RAB40C: variants seen among roughly 807,000 people sequenced by gnomAD.
RAB40C encodes ras-related protein Rab-40C.
Under a neutral mutation model 28.1 loss-of-function variants are expected in RAB40C, and 8 were observed. The ratio of observed to expected loss-of-function variants is 0.28; its 90% confidence interval spans 0.17 to 0.51. The LOEUF is 0.51. Among genes scored for constraint, RAB40C ranks in the 20% least tolerant of loss-of-function variants. The probability of loss-of-function intolerance (pLI) is 0.97; values close to 1 mark genes in which losing one functional copy is unlikely to be tolerated. For synonymous variants in RAB40C, 201 were observed against 171.7 expected, an observed-to-expected ratio of 1.17 and a Z score of -1.34; for missense variants, 288 against 405.9, an observed-to-expected ratio of 0.71 and a Z score of 2.50.
In RAB40C at chr16:590,190, G is replaced by A. The variant is rs2035959049; in HGVS notation, c.-102G>A. 2 of 890,506 alleles carry A rather than the reference G, an allele frequency of 2.2e-6. No homozygotes were observed. Among genetic ancestry groups the A allele is most frequent in the Non-Finnish European group, 2.8e-6 (2 of 725,456 alleles). 55.2% of individuals were successfully genotyped at this position (890,506 alleles called of 1,614,324 possible). ...CGCGCCCACTCGGCCGCCGTGGGGCGGACGCAACGGGCGCAGGTGCGGGGC... is the reference window on the plus strand; with the variant it reads ...CGCGCCCACTCGGCCGCCGTGGGGCAGACGCAACGGGCGCAGGTGCGGGGC... On this transcript the variant is annotated 5_prime_UTR_variant, in exon 1 of 6. Transcript: ENST00000248139.
At chr16:602,684 C>T (rs1298180833) in intron 1 of RAB40C, among the ~76,000 whole-genome samples, 3 of 152,136 alleles carry the variant, frequency 2.0e-5, no homozygotes, top group Admixed American at 6.6e-5. Context: ...CCACCCACCT[C>T]GGCCTCCCAA....
intron 1 of RAB40C, among the ~76,000 whole-genome samples, chr16:614,155 A>G (rs1446301363): frequency 8.5e-5 from 11 of 128,780 alleles, no homozygotes; most frequent in Admixed American, 4.9e-4. Context: ...ACTGCTAACT[A>G]CCGCATCCCG....
chr16:620,393 A>G (rs576805389), intron 3 of RAB40C, among the ~76,000 whole-genome samples: 5 of 152,050 alleles, frequency 3.3e-5, no homozygotes, highest in Non-Finnish European at 7.4e-5. Flanking sequence ...CTCCATCTCA[A>G]AAAAAAAGGA....
chr16:617,365 A>C, intron 2 of RAB40C, 97 bp downstream of exon 2: 1 of 1,462,008 alleles, frequency 6.8e-7, no homozygotes, highest in African/African-American at 1.4e-5. Context: ...TCCTGTTTGC[A>C]TTTCACTTGG....
At chr16:592,153 T>TA (rs1392284260) in intron 1 of RAB40C, among the ~76,000 whole-genome samples, 2 of 152,220 alleles carry the variant, frequency 1.3e-5, no homozygotes, top group Non-Finnish European at 2.9e-5. Context: ...CTGGCGAACT[T>TA]ACCTCTCCTG....
In RAB40C at chr16:614,204, ACTG is replaced by A. The variant is rs550096610; in HGVS notation, c.143-3001_143-2999del. 5.9e-3 allele frequency among the ~76,000 whole-genome samples: 856 copies of A among 143,876 alleles called. 10 individuals are homozygous for A. The highest frequency in any genetic ancestry group is 0.021 in the African/African-American group (802 of 37,974). 94.4% of individuals were successfully genotyped at this position (143,876 alleles called of 152,430 possible). A position where few individuals can be genotyped will look rare whatever the true frequency, so the allele number is the denominator to read the frequency against. ...GAACTCTACCGCATCCCTATGGTGA[ACTG>A]CTAACTCTGCCGCATCCCGATGGTG... On this transcript the variant is annotated intron_variant, in intron 1 of 5. Coordinates refer to ENST00000248139, the MANE Select transcript of RAB40C (RefSeq NM_021168.5).
At chr16:602,495 C>T (rs911152363) in intron 1 of RAB40C, among the ~76,000 whole-genome samples, 5 of 152,118 alleles carry the variant, frequency 3.3e-5, no homozygotes, top group Non-Finnish European at 5.9e-5. Flanking sequence ...TGTGATGGCA[C>T]GATCTTGGCT....
intron 5 of RAB40C, among the ~76,000 whole-genome samples, chr16:626,549 C>T (rs752703249): frequency 1.3e-5 from 2 of 152,164 alleles, no homozygotes; most frequent in South Asian, 2.1e-4. Context: ...TGAAGCCCCC[C>T]TCAGGGAGGT....
In RAB40C at chr16:618,242, C is replaced by G; in HGVS notation, c.246C>G (p.Ser82=). The change falls in exon 3 of 6, where the codon TCC becomes TCG. Residue 82 remains serine (S), a synonymous_variant. Transcript: ENST00000248139. ...GCCGGTTCTGCACCATCTTCAGGTC[C>G]TACTCCAGGGGCGCTCAGGTAAGAC... ...GQGRFCTIFR[S]YSRGAQGILL... is the part of the protein sequence containing the mutation. 6.2e-7 allele frequency: 1 copy of G among 1,613,612 alleles called. No homozygotes were observed. The highest frequency in any genetic ancestry group is 1.6e-4 in the Middle Eastern group (1 of 6,062).
chr16:615,592 G>A (rs987385753), intron 1 of RAB40C, among the ~76,000 whole-genome samples: 1 of 152,218 alleles, frequency 6.6e-6, no homozygotes, highest in Non-Finnish European at 1.5e-5. Flanking sequence ...TGCGTTAAGT[G>A]TCCAGAACTG....
intron 3 of RAB40C, among the ~76,000 whole-genome samples, chr16:620,779 G>A (rs1449944671): frequency 9.6e-6 from 1 of 104,070 alleles, no homozygotes; most frequent in Non-Finnish European, 1.9e-5. Flanking sequence ...GGGCTCCACC[G>A]CGGGCATCCC....
intron 3 of RAB40C, among the ~76,000 whole-genome samples, chr16:622,841 A>G (rs1267448277): frequency 2.0e-5 from 3 of 152,166 alleles, no homozygotes; most frequent in African/African-American, 7.2e-5. Context: ...TCAGTTTTAG[A>G]AAACAGAAGG....
At chr16:613,837 C>G (rs536581376) in intron 1 of RAB40C, among the ~76,000 whole-genome samples, 1 of 152,112 alleles carries the variant, frequency 6.6e-6, no homozygotes, top group Admixed American at 6.5e-5. Flanking sequence ...GGGCAGCACC[C>G]AGGTCTAGAC....
chr16:621,275 G>A (rs2036710617), intron 3 of RAB40C, among the ~76,000 whole-genome samples: 1 of 152,260 alleles, frequency 6.6e-6, no homozygotes, highest in Non-Finnish European at 1.5e-5. Flanking sequence ...TGCCTGGTGA[G>A]CAGCGGTGAG....
intron 3 of RAB40C, among the ~76,000 whole-genome samples, chr16:620,754 C>T (rs1180086659): frequency 7.0e-5 from 7 of 100,218 alleles, no homozygotes; most frequent in Admixed American, 5.1e-4. Context: ...GCGGGCATCC[C>T]AGCCCCCCGC....
At chr16:611,192 G>A (rs531619329) in intron 1 of RAB40C, among the ~76,000 whole-genome samples, 4 of 152,298 alleles carry the variant, frequency 2.6e-5, no homozygotes, top group African/African-American at 7.2e-5. Flanking sequence ...GGTGGGTGAC[G>A]TGGTCCCCAG....
chr16:624,367 A>C, intron 3 of RAB40C: 1 of 985,392 alleles, frequency 1.0e-6, no homozygotes, highest in Non-Finnish European at 1.2e-6. Flanking sequence ...GAATCTTATC[A>C]TTTATCGCCC....
intron 4 of RAB40C, 88 bp from the exon 5 acceptor site, chr16:625,811 T>C (rs1167192216): frequency 1.8e-5 from 23 of 1,291,794 alleles, no homozygotes; most frequent in Non-Finnish European, 2.5e-5. Flanking sequence ...CACCCCATCA[T>C]AGTCCAGACA....
At position 610,676 on chromosome 16, in the gene RAB40C, G is replaced by T. The variant is rs1313061284; in HGVS notation, c.143-6532G>T. 2.0e-5 allele frequency among the ~76,000 whole-genome samples: 3 copies of T among 152,012 alleles called. No individual in the cohort carries two copies. Among genetic ancestry groups the T allele is most frequent in the African/African-American group, 7.2e-5 (3 of 41,402 alleles). ...GCCCCTGCCCCTGCGCCGTCCCCCA[G>T]CGCGGGCTCCAGGCCTCTCCTGGGT... is the stretch of plus-strand genomic sequence containing the variant. On this transcript the variant is annotated intron_variant, in intron 1 of 5. Transcript: ENST00000248139. The surrounding 1 kb of genome is among the most constrained non-coding windows in gnomAD (Gnocchi z 4.6).
Sources: allele counts gnomAD v4.1 joint callset (sites outside exome capture counted in the v4.1 genomes callset), GRCh38; gene constraint gnomAD v4.1.1; non-coding constraint Gnocchi (gnomAD v3.1); transcripts MANE v1.5; gene names NCBI Gene and HGNC (gene_info 2026-07-23, HGNC 2026-07-21).